RBFOX1: variants seen among roughly 807,000 people sequenced by gnomAD.
The protein encoded by RBFOX1 is RNA binding fox-1 homolog 1.
A neutral mutation model predicts 57.7 loss-of-function variants in RBFOX1; 8 were observed. The observed-to-expected ratio is 0.14, with a 90% CI of 0.08 to 0.25. The LOEUF is 0.25. RBFOX1 is among the 10% of genes least tolerant of loss of function. The pLI is 1.00. For missense variants in RBFOX1, 611 were observed against 548.5 expected (o/e 1.11, Z -1.14); for synonymous variants, 326 against 222.4 (o/e 1.47, Z -4.15).
chr16:6,046,036 CTTTGAGTGCTTTT>C (rs2095491899), intron 1 of RBFOX1, among the ~76,000 whole-genome samples: 1 of 152,174 alleles, frequency 6.6e-6, no homozygotes, highest in African/African-American at 2.4e-5. Flanking sequence ...AGGATAAGGA[CTTTGAGTGCTTTT>C]CTAAGCACCA....
At chr16:6,788,989 C>T (rs1296534030) in intron 3 of RBFOX1, among the ~76,000 whole-genome samples, 1 of 152,096 alleles carries the variant, frequency 6.6e-6, no homozygotes, top group Non-Finnish European at 1.5e-5. Context: ...TGGTTTTATT[C>T]CCTGAAAAGT....
rs796794349 is a variant in RBFOX1, at chr16:6,859,111, G to GTATATATATATATATA, written c.-15-192943_-15-192928dup. 7.7e-5 allele frequency among the ~76,000 whole-genome samples: 5 copies of GTATATATATATATATA among 65,086 alleles called. No individual in the cohort carries two copies. In the East Asian group the frequency reaches 1.6e-3, roughly 21 times the overall value. The allele number at this position is 65,086 out of a possible 152,430, so 42.7% of individuals were successfully genotyped here. On this transcript the variant is annotated intron_variant, in intron 3 of 15. Coordinates refer to ENST00000550418, the MANE Select transcript of RBFOX1 (RefSeq NM_018723.4). ...AGTGTTGTATTGTCCTAAAAAAAGT[G>GTATATATATATATATA]TATATATATATATATATACATATAT...
At chr16:5,729,521 A>G (rs1352960808) in intron 3 of RBFOX1, among the ~76,000 whole-genome samples, 1 of 151,236 alleles carries the variant, frequency 6.6e-6, no homozygotes, top group African/African-American at 2.4e-5. Context: ...GGATTCAGAG[A>G]TAGGCATGTG....
chr16:7,416,341 T>C (rs1490291062), intron 4 of RBFOX1, among the ~76,000 whole-genome samples: 1 of 152,240 alleles, frequency 6.6e-6, no homozygotes, highest in Non-Finnish European at 1.5e-5. Flanking sequence ...TGTTGATCCA[T>C]GCCCAACTAA....
intron 1 of RBFOX1, among the ~76,000 whole-genome samples, chr16:5,416,696 C>G (rs561670829): frequency 6.7e-6 from 1 of 148,866 alleles, no homozygotes; most frequent in Admixed American, 6.6e-5. Context: ...TTTTTTTCCT[C>G]TGGTCGTCTT....
intron 5 of RBFOX1, among the ~76,000 whole-genome samples, chr16:7,540,593 C>A (rs2082654058): frequency 6.6e-6 from 1 of 152,218 alleles, no homozygotes; most frequent in African/African-American, 2.4e-5. Context: ...TGCTCTGTCT[C>A]TGCTGTCTCT....
At chr16:7,331,356 G>A (rs192705504) in intron 4 of RBFOX1, among the ~76,000 whole-genome samples, 43 of 152,224 alleles carry the variant, frequency 2.8e-4, no homozygotes, top group Non-Finnish European at 6.3e-4. Flanking sequence ...TTTTGAAGGT[G>A]ATTTTCAGTG....
At chr16:7,237,834 C>G (rs1037995521) in intron 4 of RBFOX1, among the ~76,000 whole-genome samples, 2 of 152,084 alleles carry the variant, frequency 1.3e-5, no homozygotes, top group East Asian at 1.9e-4. Context: ...GGTGAAAACT[C>G]AACTACTCAA....
Position 6,629,691 on chromosome 16 carries a change from T to C in RBFOX1, c.-63-24912T>C, listed in dbSNP as rs143966149. ...TTTAATTAACAGCAGGTGAGTCTTGTGGTCAGCCATTTGACATATAGGTGG... is the reference window on the plus strand; with the variant it reads ...TTTAATTAACAGCAGGTGAGTCTTGCGGTCAGCCATTTGACATATAGGTGG... On this transcript the variant is annotated intron_variant, in intron 2 of 15. Transcript: ENST00000550418. Among the ~76,000 whole-genome samples the C allele has an allele frequency of 7.4e-3, 1,127 of 152,294 alleles. 14 individuals are homozygous for C. Among genetic ancestry groups the C allele is most frequent in the African/African-American group, 0.026 (1,074 of 41,566 alleles).
At chr16:6,549,120 AGAG>A (rs2096935458) in intron 2 of RBFOX1, among the ~76,000 whole-genome samples, 2 of 69,416 alleles carry the variant, frequency 2.9e-5, no homozygotes, top group Non-Finnish European at 5.4e-5. Context: ...AAGAGAAGGA[AGAG>A]GGGAGGAAGG....
intron 1 of RBFOX1, among the ~76,000 whole-genome samples, chr16:5,286,865 C>G (rs1435739627): frequency 1.3e-5 from 2 of 152,180 alleles, no homozygotes; most frequent in East Asian, 1.9e-4. Flanking sequence ...TTAATTTATA[C>G]AAACAGTCAG....
chr16:5,845,237 G>A (rs1205721728), intron 3 of RBFOX1, among the ~76,000 whole-genome samples: 1 of 152,036 alleles, frequency 6.6e-6, no homozygotes, highest in Non-Finnish European at 1.5e-5. Context: ...TCCACCCTCA[G>A]CCAGCACTTC....
intron 1 of RBFOX1, among the ~76,000 whole-genome samples, chr16:5,287,194 A>G (rs562119280): frequency 1.3e-5 from 2 of 152,222 alleles, no homozygotes; most frequent in African/African-American, 4.8e-5. Context: ...AGTCCTAGCT[A>G]TGTAGGAGGC....
intron 4 of RBFOX1, among the ~76,000 whole-genome samples, chr16:7,482,016 T>C (rs549290155): frequency 6.6e-6 from 1 of 152,336 alleles, no homozygotes; most frequent in East Asian, 1.9e-4. Flanking sequence ...CATTGTAAAG[T>C]CGAAAAGTCT....
chr16:5,360,524 G>C (rs1329450192), intron 1 of RBFOX1, among the ~76,000 whole-genome samples: 1 of 152,184 alleles, frequency 6.6e-6, no homozygotes, highest in Non-Finnish European at 1.5e-5. Context: ...ACCAGTATCA[G>C]CTACCTGGGC....
intron 4 of RBFOX1, among the ~76,000 whole-genome samples, chr16:7,427,260 A>G (rs1438730516): frequency 6.6e-6 from 1 of 152,208 alleles, no homozygotes; most frequent in Non-Finnish European, 1.5e-5. Context: ...AACTTAAAGT[A>G]TAATAAAAAT....
intron 2 of RBFOX1, among the ~76,000 whole-genome samples, chr16:6,504,929 C>G (rs1054727328): frequency 6.6e-6 from 1 of 151,780 alleles, no homozygotes; most frequent in East Asian, 1.9e-4. Flanking sequence ...AATTTTTTAA[C>G]TGGGCTAGTG....
intron 4 of RBFOX1, among the ~76,000 whole-genome samples, chr16:7,488,134 G>C (rs573970092): frequency 9.9e-5 from 15 of 152,258 alleles, no homozygotes; most frequent in Admixed American, 4.6e-4. Context: ...TGCCGTGCTA[G>C]TGTGTCCCTG....
At chr16:7,660,333 C>G (rs2067399902) in intron 12 of RBFOX1, among the ~76,000 whole-genome samples, 1 of 152,172 alleles carries the variant, frequency 6.6e-6, no homozygotes, top group South Asian at 2.1e-4. Context: ...GCTAGACGGA[C>G]CATCTCTGCA....
Sources: gnomAD v4.1 joint callset for allele counts (sites outside exome capture counted in the v4.1 genomes callset) on GRCh38, gnomAD v4.1.1 for gene constraint, MANE v1.5 for transcripts, NCBI Gene and HGNC (gene_info 2026-07-23, HGNC 2026-07-21) for gene names.